CDH18: variants seen among roughly 807,000 people sequenced by gnomAD.
CDH18 encodes cadherin 18.
Under a neutral mutation model 67.9 loss-of-function variants are expected in CDH18, and 31 were observed. The ratio of observed to expected loss-of-function variants is 0.46; its 90% confidence interval spans 0.34 to 0.62. The LOEUF is 0.62. Among genes scored for constraint, CDH18 ranks in the 20% least tolerant of loss-of-function variants. CDH18 has a pLI of 0.01. For missense variants in CDH18, 890 were observed against 975.5 expected (o/e 0.91, Z 1.17); for synonymous variants, 362 against 347.2 (o/e 1.04, Z -0.48).
At chr5:20,523,909 G>A (rs1269378273) in intron 1 of CDH18, among the ~76,000 whole-genome samples, 2 of 152,210 alleles carry the variant, frequency 1.3e-5, no homozygotes, top group Non-Finnish European at 2.9e-5. Context: ...ATGAGAAAGA[G>A]AGAGACAGGA....
At chr5:20,450,278 C>T (rs892417758) in intron 1 of CDH18, among the ~76,000 whole-genome samples, 4 of 152,026 alleles carry the variant, frequency 2.6e-5, no homozygotes, top group East Asian at 1.9e-4. Context: ...ACTTGGGAGG[C>T]GGAGGTTGCA....
chr5:20,415,805 A>G (rs1025752161), intron 1 of CDH18, among the ~76,000 whole-genome samples: 4 of 151,926 alleles, frequency 2.6e-5, no homozygotes, highest in Non-Finnish European at 1.5e-5. Flanking sequence ...AATATATAAA[A>G]AAATAAAAAG....
At chr5:19,562,492 T>C (rs896528427) in intron 8 of CDH18, among the ~76,000 whole-genome samples, 10 of 152,172 alleles carry the variant, frequency 6.6e-5, no homozygotes, top group Non-Finnish European at 1.2e-4. Context: ...GTATTCACTG[T>C]ACCATTATTT....
rs560393908 is a variant in CDH18 at position 20,127,613 on chromosome 5, T to C, written c.-518+127831A>G. Among the ~76,000 whole-genome samples, 6 of 152,250 alleles carry C rather than the reference T, an allele frequency of 3.9e-5. No homozygotes were observed. In the East Asian group the frequency reaches 1.2e-3, roughly 30 times the overall value. On this transcript the variant is annotated intron_variant, in intron 2 of 14. Transcript: ENST00000507958. ...CAGTCACAGAAGGGCAAACACTGCA[T>C]GATTTTACTTAGGCAAGTTATCTAA...
At chr5:19,924,950 C>T (rs1271274831) in intron 2 of CDH18, among the ~76,000 whole-genome samples, 4 of 152,286 alleles carry the variant, frequency 2.6e-5, no homozygotes, top group Admixed American at 1.3e-4. Flanking sequence ...GATTGGGGTA[C>T]CGATGCTAAG....
At position 20,115,270 on chromosome 5, in the gene CDH18, C is replaced by CTTTTTTTTTTTTTT. The variant is rs753438800; in HGVS notation, c.-517-123270_-517-123257dup. 8.6e-5 allele frequency among the ~76,000 whole-genome samples: 5 copies of CTTTTTTTTTTTTTT among 58,138 alleles called. 1 individual carries two copies. The highest frequency in any genetic ancestry group is 3.1e-4 in the Admixed American group (1 of 3,246). The allele number at this position is 58,138 out of a possible 152,430, so 38.1% of individuals were successfully genotyped here. On this transcript the variant is annotated intron_variant, in intron 2 of 14. Transcript: ENST00000507958. ...TGGGGCTCCACTCTCAGGGCCTCATCTTTTTTTTTTTTTTTTTTTTTTTTT... is the reference window on the plus strand; with the variant it reads ...TGGGGCTCCACTCTCAGGGCCTCATCTTTTTTTTTTTTTTTTTTTTTTTTTTTTTTTTTTTTTTT...
intron 2 of CDH18, among the ~76,000 whole-genome samples, chr5:20,002,804 T>A (rs1736557579): frequency 6.6e-6 from 1 of 152,100 alleles, no homozygotes; most frequent in Non-Finnish European, 1.5e-5. Flanking sequence ...CCATCCACAA[T>A]CTGTTCAGGG....
chr5:19,672,445 T>A (rs1758878465), intron 5 of CDH18, among the ~76,000 whole-genome samples: 1 of 152,134 alleles, frequency 6.6e-6, no homozygotes, highest in South Asian at 2.1e-4. Context: ...ATAAATCTTA[T>A]CCTGATGATG....
chr5:19,763,534 C>G (rs1453399091), intron 3 of CDH18, among the ~76,000 whole-genome samples: 1 of 152,116 alleles, frequency 6.6e-6, no homozygotes, highest in East Asian at 1.9e-4. Flanking sequence ...CAATTTGAGG[C>G]ATGCTAAATG....
At chr5:20,342,947 C>T (rs562868434) in intron 1 of CDH18, among the ~76,000 whole-genome samples, 1 of 152,222 alleles carries the variant, frequency 6.6e-6, no homozygotes, top group Non-Finnish European at 1.5e-5. Context: ...AGAAGATATA[C>T]CCTTCACCAA....
intron 2 of CDH18, among the ~76,000 whole-genome samples, chr5:20,125,269 C>T (rs1748721475): frequency 6.8e-6 from 1 of 147,174 alleles, no homozygotes; most frequent in East Asian, 2.0e-4. Flanking sequence ...GAAGTATTGG[C>T]TCAATAATAC....
chr5:20,023,674 AAAAAG>A (rs1738640625), intron 2 of CDH18, among the ~76,000 whole-genome samples: 1 of 151,968 alleles, frequency 6.6e-6, no homozygotes, highest in Non-Finnish European at 1.5e-5. Context: ...AAAAAAAAAA[AAAAAG>A]AAAGGTATTT....
chr5:19,524,871 G>A (rs200263203), intron 9 of CDH18, among the ~76,000 whole-genome samples: 1 of 152,006 alleles, frequency 6.6e-6, no homozygotes, highest in South Asian at 2.1e-4. Flanking sequence ...TCAGCCTCCC[G>A]AGTAGCTGGG....
intron 1 of CDH18, among the ~76,000 whole-genome samples, chr5:20,356,780 C>G (rs943428376): frequency 6.7e-6 from 1 of 149,080 alleles, no homozygotes; most frequent in Non-Finnish European, 1.5e-5. Context: ...TACACATGCA[C>G]ACACACATAT....
chr5:20,441,232 G>T (rs1749583638), intron 1 of CDH18, among the ~76,000 whole-genome samples: 1 of 151,882 alleles, frequency 6.6e-6, no homozygotes, highest in Non-Finnish European at 1.5e-5. Flanking sequence ...TTTAAAAGCA[G>T]TTACAGTCAT....
chr5:19,803,165 T>C (rs1296539209), intron 3 of CDH18, among the ~76,000 whole-genome samples: 1 of 152,188 alleles, frequency 6.6e-6, no homozygotes, highest in Non-Finnish European at 1.5e-5. Flanking sequence ...CAGTGAACAA[T>C]AACAATGCAT....
At chr5:19,784,524 T>G (rs950692048) in intron 3 of CDH18, among the ~76,000 whole-genome samples, 1 of 152,204 alleles carries the variant, frequency 6.6e-6, no homozygotes, top group Admixed American at 6.5e-5. Context: ...TTGTTTCAAT[T>G]TTTTTGCTAT....
chr5:20,067,070 C>T (rs772225705), intron 2 of CDH18, among the ~76,000 whole-genome samples: 18 of 151,508 alleles, frequency 1.2e-4, no homozygotes, highest in Admixed American at 1.3e-4. Flanking sequence ...AAATATTTAC[C>T]TAGTATTTAC....
chr5:20,300,292 T>TTGTGTGTGCGTG (rs1469171406), intron 1 of CDH18, among the ~76,000 whole-genome samples: 1 of 106,638 alleles, frequency 9.4e-6, no homozygotes, highest in Non-Finnish European at 2.1e-5. Flanking sequence ...ATAGATTAAG[T>TTGTGTGTGCGTG]TGTGTGTGTG....
Sources: gnomAD v4.1 joint callset for allele counts (sites outside exome capture counted in the v4.1 genomes callset) on GRCh38, gnomAD v4.1.1 for gene constraint, MANE v1.5 for transcripts, NCBI Gene and HGNC (gene_info 2026-07-23, HGNC 2026-07-21) for gene names.